The following ZNF718 variants were observed in gnomAD, a reference collection of about 807,000 sequenced individuals.
ZNF718 encodes the protein zinc finger protein 718.
In ZNF718, 3 loss-of-function variants were observed where a neutral mutation model predicts 2.6. That is an observed-to-expected ratio of 1.16 (90% CI 0.53 to 3.01). The LOEUF (loss-of-function observed/expected upper bound fraction) is 3.01, where lower values mean the gene tolerates loss of function less well. Among genes scored for constraint, ZNF718 ranks in the 30% most tolerant of loss-of-function variants. ZNF718 has a pLI of 0.03. For synonymous variants in ZNF718, 135 were observed against 77.9 expected, an observed-to-expected ratio of 1.73 and a Z score of -3.86; for missense variants, 468 against 230.0, an observed-to-expected ratio of 2.03 and a Z score of -6.69.
chr4:126,859 G>A (rs188376064), intron 1 of ZNF718, among the ~76,000 whole-genome samples: 1 of 149,160 alleles, frequency 6.7e-6, no homozygotes, highest in East Asian at 2.0e-4. Flanking sequence ...CGGAGTCTTC[G>A]CTGTGTCGCC....
chr4:189,245 G>T (rs1717642220), intron 3 of ZNF718, among the ~76,000 whole-genome samples: 1 of 150,940 alleles, frequency 6.6e-6, no homozygotes, highest in African/African-American at 2.4e-5. Context: ...GTTTTCATTG[G>T]GTATTTTGAT....
At chr4:152,360 G>A (rs1458246527) in intron 3 of ZNF718, among the ~76,000 whole-genome samples, 1 of 120,158 alleles carries the variant, frequency 8.3e-6, no homozygotes, top group African/African-American at 3.2e-5. Context: ...CTATCACATG[G>A]GGAGAAACCT....
rs782116279 is a variant in ZNF718, at chr4:161,457, GA to G, written c.777del (p.Lys259AsnfsTer180). On this transcript the variant is annotated frameshift_variant, in exon 4 of 4. Transcript: ENST00000510175. LOFTEE classifies it low-confidence loss of function (END_TRUNC). Reference protein sequence around the residue: ...IHTGEKPYICEKCGKAFNQSS... With the variant: ...IHTGEKPYICXKCGKAFNQSS... ...TACTGGAGAGAAACCCTACATATGT[GA>G]AAAATGTGGTAAAGCTTTTAACCAA... The G allele has an allele frequency of 7.7e-6, 6 of 780,612 alleles. No individual in the cohort carries two copies. The Admixed American group carries it at 1.0e-4, about 13-fold the overall frequency. The allele number at this position is 780,612 out of a possible 1,614,324, so 48.4% of individuals were successfully genotyped here.
At chr4:166,849 A>T (rs1448396623), downstream of ZNF718, among the ~76,000 whole-genome samples, 1 of 152,026 alleles carries the variant, frequency 6.6e-6, no homozygotes, top group African/African-American at 2.4e-5. Flanking sequence ...GAAGCTCTTT[A>T]GTTTAATTAG....
intron 3 of ZNF718, among the ~76,000 whole-genome samples, chr4:152,149 C>T (rs1173982434): frequency 2.7e-5 from 4 of 148,518 alleles, no homozygotes; most frequent in African/African-American, 9.9e-5. Flanking sequence ...TTCCCTATCT[C>T]AGTAGATGGA....
At chr4:188,088 T>C (rs1717606589) in intron 3 of ZNF718, among the ~76,000 whole-genome samples, 1 of 152,148 alleles carries the variant, frequency 6.6e-6, no homozygotes, top group South Asian at 2.1e-4. Flanking sequence ...CTTGGACTCA[T>C]AAGCTGGAAT....
intron 3 of ZNF718, among the ~76,000 whole-genome samples, chr4:196,898 A>G (rs189266594): frequency 6.6e-6 from 1 of 151,864 alleles, no homozygotes; most frequent in African/African-American, 2.4e-5. Context: ...AGGACAGAAT[A>G]GCAAGTGAAA....
intron 3 of ZNF718, among the ~76,000 whole-genome samples, chr4:144,227 ATTCC>A (rs1416485269): frequency 4.0e-5 from 6 of 151,740 alleles, no homozygotes; most frequent in Admixed American, 6.6e-5. Context: ...AAATCCTTTT[ATTCC>A]TTCCTTGCTT....
rs1715347200 is a variant in ZNF718, at chr4:131,445, C to G, written c.166C>G (p.Leu56Val). 3 of 526,358 alleles carry G rather than the reference C, an allele frequency of 5.7e-6. 1 individual carries two copies. The highest frequency in any genetic ancestry group is 8.9e-6 in the Non-Finnish European group (3 of 335,658). The allele number at this position is 526,358 out of a possible 1,614,324, so 32.6% of individuals were successfully genotyped here. A position where few individuals can be genotyped will look rare whatever the true frequency, so the allele number is the denominator to read the frequency against. Reference protein sequence around the residue: ...SISNPDLVTSLEQRKEPYNLK... With the variant: ...SISNPDLVTSVEQRKEPYNLK... ...CTCTAACCCAGACCTGGTCACCAGT[C>G]TGGAGCAAAGAAAAGAGCCCTACAA... The change falls in exon 3 of 4, where the codon CTG (leucine) becomes GTG (valine). Residue 56 changes from leucine (L) to valine (V), a missense_variant. Transcript: ENST00000510175.
chr4:181,445 T>G (rs1026367358), intron 3 of ZNF718, among the ~76,000 whole-genome samples: 3 of 152,114 alleles, frequency 2.0e-5, no homozygotes, highest in African/African-American at 7.2e-5. Flanking sequence ...ATATAATCAA[T>G]TTTTAATATT....
intron 3 of ZNF718, among the ~76,000 whole-genome samples, chr4:175,037 A>T (rs1172325808): frequency 2.0e-5 from 3 of 152,128 alleles, no homozygotes; most frequent in African/African-American, 7.2e-5. Context: ...CCTCAATTAC[A>T]TCTATGCCTT....
chr4:165,194 T>A (rs1175962954), downstream of ZNF718, among the ~76,000 whole-genome samples: 1 of 152,174 alleles, frequency 6.6e-6, no homozygotes, highest in Non-Finnish European at 1.5e-5. Flanking sequence ...TAGGTTCTCA[T>A]GAAAAGTTTG....
At chr4:195,420 T>A (rs1281039990) in intron 3 of ZNF718, among the ~76,000 whole-genome samples, 1 of 152,180 alleles carries the variant, frequency 6.6e-6, no homozygotes, top group Non-Finnish European at 1.5e-5. Flanking sequence ...CTGAAGGGAG[T>A]TCCTCCTTAG....
chr4:190,594 A>C (rs1393296113), intron 3 of ZNF718, among the ~76,000 whole-genome samples: 1 of 152,182 alleles, frequency 6.6e-6, no homozygotes, highest in Non-Finnish European at 1.5e-5. Context: ...AATTTACAAC[A>C]TTTGAGTGAA....
chr4:186,484 A>G (rs1717568216), intron 3 of ZNF718, among the ~76,000 whole-genome samples: 1 of 152,092 alleles, frequency 6.6e-6, no homozygotes. Context: ...TTCATGGAGT[A>G]TCTTACTGGG....
chr4:173,427 A>G (rs1289056283), intron 3 of ZNF718, among the ~76,000 whole-genome samples: 1 of 152,136 alleles, frequency 6.6e-6, no homozygotes, highest in East Asian at 1.9e-4. Context: ...ATCGTTTTCT[A>G]TTTGTTTATA....
chr4:159,040 C>CTTTTTTT (rs201288037), intron 3 of ZNF718, among the ~76,000 whole-genome samples: 3 of 136,404 alleles, frequency 2.2e-5, no homozygotes, highest in Non-Finnish European at 4.8e-5. Context: ...TTTCTTTTTT[C>CTTTTTTT]TTTTTTTTTT....
intron 3 of ZNF718, among the ~76,000 whole-genome samples, chr4:135,073 C>T (rs1715498683): frequency 6.6e-6 from 1 of 152,058 alleles, no homozygotes; most frequent in Admixed American, 6.5e-5. Context: ...GAAACCCCAT[C>T]TCTACTAAAA....
intron 3 of ZNF718, among the ~76,000 whole-genome samples, chr4:195,777 A>G (rs569034799): frequency 2.6e-5 from 4 of 152,200 alleles, no homozygotes; most frequent in Non-Finnish European, 5.9e-5. Context: ...CAGTGGTCTC[A>G]GTGTTTTCAG....
Sources: allele counts gnomAD v4.1 joint callset (sites outside exome capture counted in the v4.1 genomes callset), GRCh38; gene constraint gnomAD v4.1.1; transcripts MANE v1.5; gene names NCBI Gene and HGNC (gene_info 2026-07-23, HGNC 2026-07-21).